The following SLC8A1 variants were observed in gnomAD, a reference collection of about 807,000 sequenced individuals.
SLC8A1 encodes the protein sodium/calcium exchanger 1.
Under a neutral mutation model 68.3 loss-of-function variants are expected in SLC8A1, and 18 were observed. The observed-to-expected ratio is 0.26, with a 90% CI of 0.18 to 0.39. SLC8A1 has a LOEUF of 0.39. Among genes scored for constraint, SLC8A1 ranks in the 10% least tolerant of loss-of-function variants. SLC8A1 has a pLI of 1.00. For synonymous variants in SLC8A1, 475 were observed against 415.5 expected, an observed-to-expected ratio of 1.14 and a Z score of -1.74; for missense variants, 985 against 1,156.7, an observed-to-expected ratio of 0.85 and a Z score of 2.15.
At chr2:40,392,303 T>C (rs1317935183) in intron 2 of SLC8A1, among the ~76,000 whole-genome samples, 1 of 151,968 alleles carries the variant, frequency 6.6e-6, no homozygotes, top group East Asian at 1.9e-4. Flanking sequence ...TATCATCACA[T>C]TTAAATAAGA....
chr2:40,278,021 G>C (rs1203076244), intron 2 of SLC8A1, among the ~76,000 whole-genome samples: 1 of 151,734 alleles, frequency 6.6e-6, no homozygotes, highest in East Asian at 1.9e-4. Flanking sequence ...ATTTGACCAG[G>C]TTATCTGTAG....
chr2:40,421,819 G>A (rs1240718487), intron 2 of SLC8A1, among the ~76,000 whole-genome samples: 1 of 152,184 alleles, frequency 6.6e-6, no homozygotes, highest in Non-Finnish European at 1.5e-5. Context: ...TGAAACAGCT[G>A]TATAAGTCTG....
chr2:40,462,001 C>CTTTTTTTTTTTTTTTTTTTTTGTTT (rs1703370345), intron 1 of SLC8A1, among the ~76,000 whole-genome samples: 1 of 66,176 alleles, frequency 1.5e-5, no homozygotes, highest in Non-Finnish European at 2.9e-5. Context: ...TAAAATCCTC[C>CTTTTTTTTTTTTTTTTTTTTTGTTT]TTTTTTTTTT....
At chr2:40,184,794 T>A (rs2050339111) in intron 2 of SLC8A1, among the ~76,000 whole-genome samples, 1 of 151,150 alleles carries the variant, frequency 6.6e-6, no homozygotes, top group Non-Finnish European at 1.5e-5. Context: ...ACCTGGCAAG[T>A]TCTCTGACCA....
chr2:40,475,762 A>T (rs1325094919), intron 1 of SLC8A1, among the ~76,000 whole-genome samples: 1 of 152,070 alleles, frequency 6.6e-6, no homozygotes, highest in Non-Finnish European at 1.5e-5. Context: ...TCAAAATCAC[A>T]CTTTTGAGAA....
chr2:40,365,181 GA>G lies in SLC8A1; in HGVS notation c.1808+63291del, dbSNP rs1430372641. Among the ~76,000 whole-genome samples the G allele has an allele frequency of 4.6e-5, 7 of 151,124 alleles. 1 individual carries two copies. The highest frequency in any genetic ancestry group is 1.7e-4 in the African/African-American group (7 of 41,120). Reference sequence around the variant, plus strand: ...CCTCTGAAAACCACAGGGTAGGCAGGAAAGATATTATACCCACATTTTACAT... The same window carrying G: ...CCTCTGAAAACCACAGGGTAGGCAGGAAGATATTATACCCACATTTTACAT... On this transcript the variant is annotated intron_variant, in intron 2 of 7. Coordinates refer to ENST00000406785, the Ensembl canonical transcript of SLC8A1.
chr2:40,487,213 T>C (rs966259915), intron 1 of SLC8A1, among the ~76,000 whole-genome samples: 1 of 152,114 alleles, frequency 6.6e-6, no homozygotes, highest in Non-Finnish European at 1.5e-5. Flanking sequence ...TGTTAGGCCT[T>C]CCTGAGGAGG....
intron 1 of SLC8A1, among the ~76,000 whole-genome samples, chr2:40,494,367 T>G (rs1360383530): frequency 2.0e-5 from 3 of 151,966 alleles, no homozygotes; most frequent in Non-Finnish European, 4.4e-5. Context: ...AACCAAATGG[T>G]GTATATGTGC....
At chr2:40,317,999 C>T (rs544132052) in intron 2 of SLC8A1, among the ~76,000 whole-genome samples, 3 of 152,022 alleles carry the variant, frequency 2.0e-5, no homozygotes, top group African/African-American at 4.8e-5. Flanking sequence ...GAGAGCAACA[C>T]TGAAGTGTAT....
At chr2:40,288,466 G>A (rs543797323) in intron 2 of SLC8A1, among the ~76,000 whole-genome samples, 13 of 152,152 alleles carry the variant, frequency 8.5e-5, no homozygotes, top group South Asian at 4.2e-4. Context: ...TCATGGCTTG[G>A]CTAATATTCT....
chr2:40,430,451 G>T, intron 1 of SLC8A1, 147 bp from the exon 2 acceptor site: 1 of 735,230 alleles, frequency 1.4e-6, no homozygotes, highest in Non-Finnish European at 2.1e-6. Context: ...GTTTATATTT[G>T]ACCATCACAA....
intron 2 of SLC8A1, among the ~76,000 whole-genome samples, chr2:40,255,643 C>T (rs930880507): frequency 1.3e-5 from 2 of 152,094 alleles, no homozygotes; most frequent in East Asian, 1.9e-4. Flanking sequence ...TTTAGCATCT[C>T]ATAATTTTGT....
chr2:40,439,797 G>A (rs914492762), intron 1 of SLC8A1, among the ~76,000 whole-genome samples: 3 of 152,098 alleles, frequency 2.0e-5, no homozygotes, highest in Non-Finnish European at 4.4e-5. Context: ...TTCTTGAAAA[G>A]AGTGGAAGTA....
chr2:40,423,829 C>G (rs1696154565), intron 2 of SLC8A1, among the ~76,000 whole-genome samples: 1 of 151,934 alleles, frequency 6.6e-6, no homozygotes, highest in African/African-American at 2.4e-5. Flanking sequence ...AATAGCTATG[C>G]ATTCAGAAAA....
intron 2 of SLC8A1, among the ~76,000 whole-genome samples, chr2:40,325,777 CAAAAAAA>C (rs3059526): frequency 2.4e-4 from 11 of 45,006 alleles, no homozygotes; most frequent in African/African-American, 4.8e-4. Flanking sequence ...ACTAAAAATA[CAAAAAAA>C]AAAAAAAAAA....
chr2:40,354,677 C>G (rs555102322), intron 2 of SLC8A1, among the ~76,000 whole-genome samples: 54 of 152,050 alleles, frequency 3.6e-4, no homozygotes, highest in Non-Finnish European at 7.4e-4. Flanking sequence ...GTCTTCTCCT[C>G]TAACATATAA....
chr2:40,241,602 T>G (rs1014036577), intron 2 of SLC8A1, among the ~76,000 whole-genome samples: 6 of 152,226 alleles, frequency 3.9e-5, no homozygotes, highest in Admixed American at 6.5e-5. Context: ...TCCCCTAACC[T>G]TGAGGTGTGA....
At chr2:40,183,560 G>C (rs190413863) in intron 2 of SLC8A1, among the ~76,000 whole-genome samples, 2 of 152,228 alleles carry the variant, frequency 1.3e-5, no homozygotes, top group Non-Finnish European at 2.9e-5. Flanking sequence ...ACCTAAAGTG[G>C]GGGACTTGTT....
chr2:40,256,461 AAGAC>A (rs1261084308), intron 2 of SLC8A1, among the ~76,000 whole-genome samples: 2 of 152,360 alleles, frequency 1.3e-5, no homozygotes, highest in African/African-American at 4.8e-5. Flanking sequence ...AGGCATGTAA[AAGAC>A]AGACAGTCCT....
Sources: allele counts gnomAD v4.1 joint callset (sites outside exome capture counted in the v4.1 genomes callset), GRCh38; gene constraint gnomAD v4.1.1; transcripts MANE v1.5; gene names NCBI Gene and HGNC (gene_info 2026-07-23, HGNC 2026-07-21).